The following BCAS3 variants were observed in gnomAD, a reference collection of about 807,000 sequenced individuals.
The protein encoded by BCAS3 is BCAS4/BCAS3 fusion.
A neutral mutation model predicts 116.1 loss-of-function variants in BCAS3; 53 were observed. The observed-to-expected ratio is 0.46, with a 90% CI of 0.37 to 0.57. The LOEUF is 0.57. BCAS3 is among the 20% of genes least tolerant of loss of function. The probability of loss-of-function intolerance (pLI) is 0.00; values close to 1 mark genes in which losing one functional copy is unlikely to be tolerated. For missense variants in BCAS3, 917 were observed against 1,165.4 expected (o/e 0.79, Z 3.10); for synonymous variants, 391 against 408.2 (o/e 0.96, Z 0.51).
chr17:61,212,147 T>C (rs2081496828), intron 22 of BCAS3, among the ~76,000 whole-genome samples: 1 of 152,244 alleles, frequency 6.6e-6, no homozygotes, highest in African/African-American at 2.4e-5. Flanking sequence ...AACTTGTTGC[T>C]CCTTAAGGAT....
chr17:61,328,704 T>C (rs1249523306), intron 22 of BCAS3, among the ~76,000 whole-genome samples: 1 of 152,072 alleles, frequency 6.6e-6, no homozygotes, highest in Non-Finnish European at 1.5e-5. Context: ...TGGTCAAGGC[T>C]GCAGTGAGCC....
intron 15 of BCAS3, among the ~76,000 whole-genome samples, chr17:61,010,965 T>C (rs2065072345): frequency 6.6e-6 from 1 of 152,022 alleles, no homozygotes; most frequent in Non-Finnish European, 1.5e-5. Flanking sequence ...TGTCTGCTTG[T>C]GCCAGAAATA....
In BCAS3 at chr17:61,186,511, T is replaced by A. The variant is rs2079785353; in HGVS notation, c.2425+101947T>A. 6.6e-6 allele frequency among the ~76,000 whole-genome samples: 1 copy of A among 152,248 alleles called. No individual in the cohort carries two copies. The highest frequency in any genetic ancestry group is 6.5e-5 in the Admixed American group (1 of 15,284). ...TTCCACTTTTTCATACTTGAATATG[T>A]TTTTTCCTGCTTTCTAAATATGGTC... On this transcript the variant is annotated intron_variant, in intron 22 of 23. Transcript: ENST00000407086. The surrounding 1 kb of genome is among the most constrained non-coding windows in gnomAD (Gnocchi z 4.9).
At chr17:60,759,702 T>G (rs989824522) in intron 6 of BCAS3, among the ~76,000 whole-genome samples, 1 of 151,978 alleles carries the variant, frequency 6.6e-6, no homozygotes, top group Non-Finnish European at 1.5e-5. Flanking sequence ...TCTCACTGTG[T>G]CACCTGGGCT....
At chr17:61,022,947 T>G (rs1158927030) in intron 16 of BCAS3, among the ~76,000 whole-genome samples, 4 of 152,232 alleles carry the variant, frequency 2.6e-5, no homozygotes, top group African/African-American at 9.6e-5. Context: ...AATGAAAATC[T>G]TCTAAATCTT....
At chr17:61,014,469 A>G (rs567287651) in intron 15 of BCAS3, among the ~76,000 whole-genome samples, 47 of 152,276 alleles carry the variant, frequency 3.1e-4, no homozygotes, top group African/African-American at 1.1e-3. Flanking sequence ...CAATTAAAGG[A>G]GAAAGGATAA....
Position 61,343,597 on chromosome 17 carries a change from C to T in BCAS3, c.2426-24730C>T, listed in dbSNP as rs552665898. Among the ~76,000 whole-genome samples the T allele has an allele frequency of 2.6e-5, 4 of 152,262 alleles. No individual in the cohort carries two copies. The highest frequency in any genetic ancestry group is 2.1e-4 in the South Asian group (1 of 4,828). On this transcript the variant is annotated intron_variant, in intron 22 of 23. Transcript: ENST00000407086. This position sits in a 1 kb window ranked among gnomAD's most constrained non-coding sequence, Gnocchi z 5.5. Reference sequence around the variant, plus strand: ...CTTGGAGAAGTACTGGTTGAGGAAGCGTATGCAGAGGTTTGAGCCAAACAA... The same window carrying T: ...CTTGGAGAAGTACTGGTTGAGGAAGTGTATGCAGAGGTTTGAGCCAAACAA...
Position 60,983,301 on chromosome 17 carries a change from C to T in BCAS3, c.1222-6670C>T, listed in dbSNP as rs948965210. 7.9e-5 allele frequency among the ~76,000 whole-genome samples: 12 copies of T among 152,224 alleles called. No homozygotes were observed. The East Asian group carries it at 2.3e-3, about 29-fold the overall frequency. ...GGTCCAAAAATCATGCAGATAATGTCATCACCTTATTACTAGTTTTCCATT... is the reference window on the plus strand; with the variant it reads ...GGTCCAAAAATCATGCAGATAATGTTATCACCTTATTACTAGTTTTCCATT... On this transcript the variant is annotated intron_variant, in intron 14 of 23. Coordinates refer to ENST00000407086, the MANE Select transcript of BCAS3 (RefSeq NM_017679.5).
chr17:61,367,158 A>T lies in BCAS3; in HGVS notation c.2426-1169A>T, dbSNP rs1422067544. 6.6e-6 allele frequency among the ~76,000 whole-genome samples: 1 copy of T among 152,252 alleles called. No individual in the cohort carries two copies. The highest frequency in any genetic ancestry group is 2.4e-5 in the African/African-American group (1 of 41,468). On this transcript the variant is annotated intron_variant, in intron 22 of 23. Transcript: ENST00000407086. The surrounding 1 kb of genome is among the most constrained non-coding windows in gnomAD (Gnocchi z 6.2). The stretch of plus-strand genomic sequence containing the variant: ...AAAGAGGAGAAGCAAGGCCTGATAA[A>T]GAGTGCGTGTTTCGTGTACTTTTAA...
chr17:60,709,508 A>G (rs112533252), intron 5 of BCAS3, 183 bp downstream of exon 5: 12,943 of 433,132 alleles, frequency 0.03, 1,449 homozygotes, highest in African/African-American at 0.24. Flanking sequence ...TCCTGCCTCA[A>G]CCTCCCGAGT....
chr17:60,907,749 T>C (rs2058262231), intron 11 of BCAS3, among the ~76,000 whole-genome samples: 1 of 152,204 alleles, frequency 6.6e-6, no homozygotes, highest in African/African-American at 2.4e-5. Flanking sequence ...GGCCAGGTTA[T>C]ACTTCTCTAT....
chr17:61,181,419 C>T lies in BCAS3; in HGVS notation c.2425+96855C>T, dbSNP rs1235955193. On this transcript the variant is annotated intron_variant, in intron 22 of 23. Transcript: ENST00000407086. This position sits in a 1 kb window ranked among gnomAD's most constrained non-coding sequence, Gnocchi z 5.0. ...CAGAGAACTGAGAAGTGATTTATTG[C>T]TGGAGGTGATATTATCTTTGAACCT... Among the ~76,000 whole-genome samples, 1 of 152,204 alleles carries T rather than the reference C, an allele frequency of 6.6e-6. No homozygotes were observed. Among genetic ancestry groups the T allele is most frequent in the East Asian group, 1.9e-4 (1 of 5,196 alleles).
At chr17:60,887,827 A>G (rs1043432571) in intron 9 of BCAS3, among the ~76,000 whole-genome samples, 8 of 152,186 alleles carry the variant, frequency 5.3e-5, no homozygotes, top group African/African-American at 1.9e-4. Context: ...GATGCCATCT[A>G]AAATTGCATC....
At chr17:60,836,222 A>C (rs912684874) in intron 7 of BCAS3, among the ~76,000 whole-genome samples, 2 of 152,180 alleles carry the variant, frequency 1.3e-5, no homozygotes, top group Non-Finnish European at 2.9e-5. Flanking sequence ...AGTTCACATT[A>C]AGGCTCACTC....
At chr17:60,762,012 A>G (rs1008141866) in intron 6 of BCAS3, among the ~76,000 whole-genome samples, 1 of 152,020 alleles carries the variant, frequency 6.6e-6, no homozygotes, top group African/African-American at 2.4e-5. Context: ...TTCTTTTGAG[A>G]AGGGTCTGTT....
At chr17:60,808,475 C>T (rs1437509067) in intron 7 of BCAS3, among the ~76,000 whole-genome samples, 1 of 152,144 alleles carries the variant, frequency 6.6e-6, no homozygotes, top group Non-Finnish European at 1.5e-5. Context: ...CTCATGCTTT[C>T]AGTAAATAGT....
rs1331009435 is a variant in BCAS3 at position 61,046,033 on chromosome 17, AT to A, written c.2029+5144del. ...ATATTTATATATATATTATATATAT[AT>A]TTATATATATATAATATATATATTA... On this transcript the variant is annotated intron_variant, in intron 19 of 23. Coordinates refer to ENST00000407086, the MANE Select transcript of BCAS3 (RefSeq NM_017679.5). Among the ~76,000 whole-genome samples, 18 of 12,148 alleles carry A rather than the reference AT, an allele frequency of 1.5e-3. 1 individual carries two copies. The highest frequency in any genetic ancestry group is 0.011 in the East Asian group (2 of 182). The allele number at this position is 12,148 out of a possible 152,430, so 8.0% of individuals were successfully genotyped here.
At chr17:60,688,412 A>G (rs1306841235) in intron 3 of BCAS3, among the ~76,000 whole-genome samples, 1 of 151,922 alleles carries the variant, frequency 6.6e-6, no homozygotes, top group African/African-American at 2.4e-5. Context: ...TGATCCTCCC[A>G]TCTCAGCCTC....
intron 22 of BCAS3, among the ~76,000 whole-genome samples, chr17:61,149,980 T>C (rs1461751433): frequency 6.6e-6 from 1 of 152,142 alleles, no homozygotes; most frequent in Non-Finnish European, 1.5e-5. Context: ...AACAAGACTG[T>C]ACAACTGCAG....
Sources: gnomAD v4.1 joint callset for allele counts (sites outside exome capture counted in the v4.1 genomes callset) on GRCh38, gnomAD v4.1.1 for gene constraint, Gnocchi (gnomAD v3.1) non-coding constraint, MANE v1.5 for transcripts, NCBI Gene and HGNC (gene_info 2026-07-23, HGNC 2026-07-21) for gene names.